TSPAN7: variants seen among roughly 807,000 people sequenced by gnomAD.
TSPAN7 encodes the protein tetraspanin 7.
TSPAN7 carries 1 observed loss-of-function variant against 17.6 expected under a neutral mutation model. The ratio of observed to expected loss-of-function variants is 0.06; its 90% CI spans 0.02 to 0.27. TSPAN7 has a LOEUF of 0.27. TSPAN7 is among the 10% of genes least tolerant of loss of function. The pLI, the probability that TSPAN7 is intolerant of heterozygous loss-of-function variation, is 1.00. For missense variants in TSPAN7, 112 were observed against 201.7 expected, an observed-to-expected ratio of 0.56 and a Z score of 2.69; for synonymous variants, 78 against 79.0, an observed-to-expected ratio of 0.99 and a Z score of 0.07.
At chrX:38,594,023 T>C (rs1197936102) in intron 1 of TSPAN7, among the ~76,000 whole-genome samples, 1 of 111,929 alleles carries the variant, frequency 8.9e-6, no homozygotes, top group Non-Finnish European at 1.9e-5. Flanking sequence ...CTTTCTCTGA[T>C]AGTGAGAAAC....
At chrX:38,591,170 A>G (rs1410213834) in intron 1 of TSPAN7, among the ~76,000 whole-genome samples, 1 of 111,227 alleles carries the variant, frequency 9.0e-6, no homozygotes, top group Non-Finnish European at 1.9e-5. Flanking sequence ...ATTCAATGCT[A>G]TAAATTTTTC....
intron 1 of TSPAN7, among the ~76,000 whole-genome samples, chrX:38,647,272 T>C (rs750122303): frequency 1.9e-3 from 209 of 111,769 alleles, no homozygotes; most frequent in African/African-American, 6.4e-3. Context: ...GGTACATTTG[T>C]CCTGAGTTTT....
intron 1 of TSPAN7, among the ~76,000 whole-genome samples, chrX:38,639,354 A>C (rs2069600380): frequency 9.2e-6 from 1 of 108,378 alleles, no homozygotes; most frequent in Non-Finnish European, 1.9e-5. Context: ...AGTGGTGGAG[A>C]GGGGATTCCA....
intron 1 of TSPAN7, among the ~76,000 whole-genome samples, chrX:38,584,120 AT>A (rs1179872999): frequency 9.3e-6 from 1 of 107,369 alleles, no homozygotes; most frequent in Non-Finnish European, 1.9e-5. Context: ...TGCCCAGCTA[AT>A]TTTTTGTATT....
intron 1 of TSPAN7, among the ~76,000 whole-genome samples, chrX:38,594,068 T>A (rs1486310681): frequency 8.9e-6 from 1 of 112,263 alleles, no homozygotes; most frequent in Non-Finnish European, 1.9e-5. Flanking sequence ...TGTAAACATG[T>A]GTCTGTATTT....
At chrX:38,662,452 A>C (rs1019337506) in intron 1 of TSPAN7, among the ~76,000 whole-genome samples, 38 of 111,529 alleles carry the variant, frequency 3.4e-4, no homozygotes, top group African/African-American at 1.2e-3. Context: ...ACTGTGTGCA[A>C]GGTACACAGC....
intron 3 of TSPAN7, among the ~76,000 whole-genome samples, chrX:38,671,912 G>T (rs2069823312): frequency 9.0e-6 from 1 of 110,882 alleles, no homozygotes; most frequent in Non-Finnish European, 1.9e-5. Context: ...GCTGGGTGTG[G>T]TGGCTTGCTT....
In TSPAN7 at chrX:38,688,254, A is replaced by G. The variant is rs1250172420; in HGVS notation, c.*323A>G. The G allele has an allele frequency of 8.8e-6, 1 of 113,361 alleles. No individual in the cohort carries two copies. The highest frequency in any genetic ancestry group is 1.9e-5 in the Non-Finnish European group (1 of 53,523). 9.3% of individuals were successfully genotyped at this position (113,361 alleles called of 1,213,427 possible). A position where few individuals can be genotyped will look rare whatever the true frequency, so the allele number is the denominator to read the frequency against. ...CTCCATCTGTACTTGGTCCAACTGC[A>G]ACTCATCATCGGTGACTGGTTATCA... is the stretch of plus-strand genomic sequence containing the variant. On this transcript the variant is annotated 3_prime_UTR_variant, in exon 8 of 8. Transcript: ENST00000378482.
intron 1 of TSPAN7, among the ~76,000 whole-genome samples, chrX:38,625,697 A>C (rs1386536722): frequency 8.9e-6 from 1 of 112,109 alleles, no homozygotes; most frequent in Non-Finnish European, 1.9e-5. Flanking sequence ...CCAGGAGATG[A>C]GATCCAGAGC....
chrX:38,668,168 T>G (rs12014014), intron 2 of TSPAN7, among the ~76,000 whole-genome samples: 3,687 of 112,177 alleles, frequency 0.033, 146 homozygotes, highest in African/African-American at 0.11. Context: ...TGTAACCTCC[T>G]TGGACCTTTG....
chrX:38,578,647 G>C (rs768844889), intron 1 of TSPAN7, among the ~76,000 whole-genome samples: 158 of 110,773 alleles, frequency 1.4e-3, no homozygotes, highest in South Asian at 4.7e-3. Context: ...ATGACAAATG[G>C]AGGAAAGGTA....
intron 1 of TSPAN7, among the ~76,000 whole-genome samples, chrX:38,655,602 T>C (rs1453853338): frequency 9.0e-6 from 1 of 111,230 alleles, no homozygotes; most frequent in Non-Finnish European, 1.9e-5. Context: ...CATGCTTTCT[T>C]TTCCAGGTTT....
chrX:38,573,850 A>AAGACCAC lies in TSPAN7; in HGVS notation c.81+12227_81+12233dup, dbSNP rs778136340. ...AATGTAGTTATGTGCTCTGGGGAAG[A>AAGACCAC]AGACCACAGAGGTAAAGTGCTATTT... On this transcript the variant is annotated intron_variant, in intron 1 of 7. Transcript: ENST00000378482. Among the ~76,000 whole-genome samples the AAGACCAC allele has an allele frequency of 9.1e-3, 1,017 of 111,602 alleles. 8 individuals carry two copies. The highest frequency in any genetic ancestry group is 0.032 in the African/African-American group (978 of 30,720).
At chrX:38,581,828 G>A (rs1343973686) in intron 1 of TSPAN7, among the ~76,000 whole-genome samples, 6 of 112,378 alleles carry the variant, frequency 5.3e-5, no homozygotes, top group African/African-American at 1.9e-4. Context: ...ATGGCTATAA[G>A]CCCCCAACCA....
intron 1 of TSPAN7, among the ~76,000 whole-genome samples, chrX:38,582,523 C>T (rs773941270): frequency 8.1e-5 from 9 of 111,741 alleles, no homozygotes; most frequent in African/African-American, 2.9e-4. Flanking sequence ...GTAACCATGT[C>T]AATATTTTTC....
chrX:38,665,635 G>T (rs1290654118), intron 1 of TSPAN7, among the ~76,000 whole-genome samples: 1 of 111,966 alleles, frequency 8.9e-6, no homozygotes, highest in African/African-American at 3.3e-5. Flanking sequence ...GGAATATTTT[G>T]TTTTTGTGGA....
intron 2 of TSPAN7, among the ~76,000 whole-genome samples, chrX:38,670,094 T>A (rs2069810411): frequency 8.9e-6 from 1 of 111,763 alleles, no homozygotes; most frequent in African/African-American, 3.3e-5. Context: ...ATTTCCTTTT[T>A]CGATATATGT....
chrX:38,614,947 G>C (rs1184326570), intron 1 of TSPAN7, among the ~76,000 whole-genome samples: 1 of 111,423 alleles, frequency 9.0e-6, no homozygotes, highest in African/African-American at 3.3e-5. Context: ...TTTGCAAAAT[G>C]AATACAGCCA....
chrX:38,650,249 A>G (rs1187035604), intron 1 of TSPAN7, among the ~76,000 whole-genome samples: 2 of 112,628 alleles, frequency 1.8e-5, no homozygotes, highest in Non-Finnish European at 3.8e-5. Flanking sequence ...GGTGGCTTGT[A>G]TCATCTCTTG....
Sources: allele counts gnomAD v4.1 joint callset (sites outside exome capture counted in the v4.1 genomes callset), GRCh38; gene constraint gnomAD v4.1.1; transcripts MANE v1.5; gene names NCBI Gene and HGNC (gene_info 2026-07-23, HGNC 2026-07-21).